Variants in ULK4 observed in about 807,000 individuals in gnomAD.
ULK4 encodes unc-51 like kinase 4.
ULK4 carries 133 observed loss-of-function variants against 160.6 expected under a neutral mutation model. The ratio of observed to expected loss-of-function variants is 0.83; its 90% CI spans 0.72 to 0.96. ULK4 has a LOEUF of 0.96. Ranked by LOEUF, ULK4 falls within the 40% of genes least tolerant of loss-of-function variation. The pLI is 0.00. For synonymous variants in ULK4, 534 were observed against 539.8 expected (o/e 0.99, Z 0.15); for missense variants, 1,580 against 1,499.5 (o/e 1.05, Z -0.89).
At chr3:41,866,868 T>A (rs935384271) in intron 17 of ULK4, among the ~76,000 whole-genome samples, 2 of 152,232 alleles carry the variant, frequency 1.3e-5, no homozygotes, top group African/African-American at 4.8e-5. Flanking sequence ...CAAGCACTTT[T>A]TCCATTTGTC....
At chr3:41,739,416 C>A (rs932327421) in intron 22 of ULK4, among the ~76,000 whole-genome samples, 2 of 151,842 alleles carry the variant, frequency 1.3e-5, no homozygotes, top group African/African-American at 4.9e-5. Flanking sequence ...GCATTACAAG[C>A]CTAATCAGAA....
Position 41,844,123 on chromosome 3 carries a change from C to T in ULK4, c.1657-8152G>A, listed in dbSNP as rs554822873. Reference sequence around the variant, plus strand: ...TGGCTTCACCCAGTGGATCCCCCACCGGGGCCGCAGGTGGAGCTGCCTGCC... The same window carrying T: ...TGGCTTCACCCAGTGGATCCCCCACTGGGGCCGCAGGTGGAGCTGCCTGCC... On this transcript the variant is annotated intron_variant, in intron 17 of 36. Transcript: ENST00000301831. Among the ~76,000 whole-genome samples the T allele has an allele frequency of 2.0e-4, 30 of 152,334 alleles. No individual in the cohort carries two copies. In the East Asian group the frequency reaches 4.6e-3, roughly 24 times the overall value.
intron 21 of ULK4, among the ~76,000 whole-genome samples, chr3:41,757,789 G>A (rs188208753): frequency 1.9e-3 from 291 of 151,748 alleles, no homozygotes; most frequent in African/African-American, 6.3e-3. Context: ...GCGTGCCACC[G>A]GCTAATTTTT....
In ULK4 at chr3:41,555,129, T is replaced by C. The variant is rs185699282; in HGVS notation, c.3226+10896A>G. ...AAGAATTAATAGGTAAAAACATAAA[T>C]TGACTTTTGAAAAAAGTTAACACTA... On this transcript the variant is annotated intron_variant, in intron 32 of 36. Coordinates refer to ENST00000301831, the MANE Select transcript of ULK4 (RefSeq NM_017886.4). Among the ~76,000 whole-genome samples the C allele has an allele frequency of 4.6e-5, 7 of 151,938 alleles. No individual in the cohort carries two copies. The East Asian group carries it at 7.7e-4, about 17-fold the overall frequency.
chr3:41,953,302 ATATT>A (rs1359267565), intron 2 of ULK4, among the ~76,000 whole-genome samples: 140 of 108,008 alleles, frequency 1.3e-3, no homozygotes, highest in African/African-American at 5.4e-3. Context: ...ATATATATAT[ATATT>A]TTTTTTTTTT....
At chr3:41,957,138 TTAATC>T (rs768848323) in intron 1 of ULK4, among the ~76,000 whole-genome samples, 9 of 152,150 alleles carry the variant, frequency 5.9e-5, no homozygotes, top group African/African-American at 9.7e-5. Flanking sequence ...ATATGACAAT[TTAATC>T]TAAGTAATTC....
intron 32 of ULK4, among the ~76,000 whole-genome samples, chr3:41,503,658 T>C (rs1029434786): frequency 6.6e-6 from 1 of 152,210 alleles, no homozygotes; most frequent in African/African-American, 2.4e-5. Flanking sequence ...TCTTTTTATA[T>C]CTTTTCAGAT....
chr3:41,491,665 C>T (rs576853272), intron 32 of ULK4, among the ~76,000 whole-genome samples: 1 of 150,274 alleles, frequency 6.7e-6, no homozygotes, highest in African/African-American at 2.4e-5. Flanking sequence ...CAAACTGAAT[C>T]CATAAAATTA....
At chr3:41,585,383 C>A (rs2030716218) in intron 31 of ULK4, among the ~76,000 whole-genome samples, 1 of 152,128 alleles carries the variant, frequency 6.6e-6, no homozygotes, top group South Asian at 2.1e-4. Context: ...TATGGCCAAT[C>A]TTTGACAAGT....
chr3:41,714,796 G>A (rs941641954), intron 25 of ULK4, among the ~76,000 whole-genome samples: 1 of 147,980 alleles, frequency 6.8e-6, no homozygotes, highest in Non-Finnish European at 1.5e-5. Context: ...AGGTTGCAGT[G>A]AGCCAAGATC....
chr3:41,306,553 C>G, intron 35 of ULK4, among the ~76,000 whole-genome samples: 1 of 150,672 alleles, frequency 6.6e-6, no homozygotes, highest in Non-Finnish European at 1.5e-5. Flanking sequence ...CGGCCAGCCA[C>G]CCCGTCCGGG....
chr3:41,368,953 C>T (rs543094027), intron 35 of ULK4, among the ~76,000 whole-genome samples: 13 of 152,192 alleles, frequency 8.5e-5, no homozygotes, highest in Non-Finnish European at 1.5e-4. Context: ...CATTTATACC[C>T]GCTTTGCTCC....
chr3:41,906,634 A>C (rs1698572306), intron 12 of ULK4, among the ~76,000 whole-genome samples: 1 of 152,242 alleles, frequency 6.6e-6, no homozygotes, highest in South Asian at 2.1e-4. Flanking sequence ...TATATACAAC[A>C]AATTATTTGA....
chr3:41,615,442 T>G (rs552081707), intron 31 of ULK4, among the ~76,000 whole-genome samples: 1 of 152,154 alleles, frequency 6.6e-6, no homozygotes, highest in Non-Finnish European at 1.5e-5. Flanking sequence ...ATTTAAAAGA[T>G]TTGTGGAAAG....
In ULK4 at chr3:41,467,137, T is replaced by C. The variant is rs77991591; in HGVS notation, c.3227-3884A>G. 5.3e-3 allele frequency among the ~76,000 whole-genome samples: 814 copies of C among 152,320 alleles called. 9 individuals are homozygous for C. Among genetic ancestry groups the C allele is most frequent in the African/African-American group, 0.019 (773 of 41,574 alleles). On this transcript the variant is annotated intron_variant, in intron 32 of 36. Coordinates refer to ENST00000301831, the MANE Select transcript of ULK4 (RefSeq NM_017886.4). ...TTTTTAAATAAATCTAAATATACAT[T>C]TACCATATTATCCAGAAATCTTACT...
In ULK4 at chr3:41,962,037, G is replaced by C. The variant is rs1160971536; in HGVS notation, c.-70C>G. Reference sequence around the variant, plus strand: ...GCACCTGGTAGCTAAGTCAAGAAAAGAGTCCAGTCCACTTGGCTGCTCCCG... The same window carrying C: ...GCACCTGGTAGCTAAGTCAAGAAAACAGTCCAGTCCACTTGGCTGCTCCCG... On this transcript the variant is annotated 5_prime_UTR_variant, in exon 1 of 37. Transcript: ENST00000301831. The C allele has an allele frequency of 1.3e-5, 2 of 152,614 alleles. No individual in the cohort carries two copies. The highest frequency in any genetic ancestry group is 2.4e-5 in the African/African-American group (1 of 41,484). 9.5% of individuals were successfully genotyped at this position (152,614 alleles called of 1,614,324 possible).
Position 41,900,773 on chromosome 3 carries a change from G to A in ULK4, c.1239C>T (p.Ile413=). ...QDLESQMREL[I]YTDSDLVVTP... ...TGACAACAAGATCTGAGTCCGTGTA[G>A]ATAAGCTCTCTCATCTGGGATTCCA... The change falls in exon 13 of 37, where the codon ATC becomes ATT. Residue 413 remains isoleucine (I), a synonymous_variant. Transcript: ENST00000301831. 2 of 1,613,802 alleles carry A rather than the reference G, an allele frequency of 1.2e-6. No individual in the cohort carries two copies. The highest frequency in any genetic ancestry group is 1.7e-6 in the Non-Finnish European group (2 of 1,179,790).
chr3:41,643,157 C>T lies in ULK4; in HGVS notation c.3071+20450G>A, dbSNP rs564308023. Among the ~76,000 whole-genome samples the T allele has an allele frequency of 2.7e-3, 415 of 152,154 alleles. 2 individuals carry two copies. Among genetic ancestry groups the T allele is most frequent in the East Asian group, 3.9e-3 (20 of 5,176 alleles). ...TTTGTAGGTTGCCTGTTCACTCTGA[C>T]GGTAGTTTCTTTTGCTGTGCAGAAG... On this transcript the variant is annotated intron_variant, in intron 30 of 36. Transcript: ENST00000301831.
intron 34 of ULK4, among the ~76,000 whole-genome samples, chr3:41,421,045 C>T (rs1040882731): frequency 1.3e-5 from 2 of 151,076 alleles, no homozygotes; most frequent in Admixed American, 6.6e-5. Flanking sequence ...GCCTGGGAGG[C>T]GGAGGTTGCA....
Sources: gnomAD v4.1 joint callset for allele counts (sites outside exome capture counted in the v4.1 genomes callset) on GRCh38, gnomAD v4.1.1 for gene constraint, MANE v1.5 for transcripts, NCBI Gene and HGNC (gene_info 2026-07-23, HGNC 2026-07-21) for gene names.